The following HS6ST3 variants were observed in gnomAD, a reference collection of about 807,000 sequenced individuals.
HS6ST3 encodes heparan-sulfate 6-O-sulfotransferase 3.
HS6ST3 carries 12 observed loss-of-function variants against 36.7 expected under a neutral mutation model. That is an observed-to-expected ratio of 0.33 (90% CI 0.21 to 0.53). The LOEUF is 0.53. Ranked by LOEUF, HS6ST3 falls within the 20% of genes least tolerant of loss-of-function variation. The pLI, the probability that HS6ST3 is intolerant of heterozygous loss-of-function variation, is 0.95. For synonymous variants in HS6ST3, 240 were observed against 257.5 expected, an observed-to-expected ratio of 0.93 and a Z score of 0.65; for missense variants, 584 against 640.9, an observed-to-expected ratio of 0.91 and a Z score of 0.96.
chr13:96,138,102 T>C (rs1013010155), intron 1 of HS6ST3, among the ~76,000 whole-genome samples: 7 of 152,190 alleles, frequency 4.6e-5, no homozygotes, highest in Admixed American at 4.6e-4. Context: ...TGTGAAAGTT[T>C]AGTGGAGGTT....
At chr13:96,712,146 C>T (rs1875578676) in intron 1 of HS6ST3, among the ~76,000 whole-genome samples, 1 of 152,066 alleles carries the variant, frequency 6.6e-6, no homozygotes, top group African/African-American at 2.4e-5. Flanking sequence ...ATTGAATGAA[C>T]CAGTCCTGAT....
chr13:96,152,152 G>A (rs973143681), intron 1 of HS6ST3, among the ~76,000 whole-genome samples: 1 of 152,172 alleles, frequency 6.6e-6, no homozygotes. Flanking sequence ...AAGATATAAA[G>A]TTACATCGAC....
chr13:96,627,748 G>A (rs541524295), intron 1 of HS6ST3, among the ~76,000 whole-genome samples: 18 of 151,926 alleles, frequency 1.2e-4, no homozygotes, highest in African/African-American at 4.3e-4. Flanking sequence ...TCTTGAGCCA[G>A]TTTTGATGAG....
intron 1 of HS6ST3, among the ~76,000 whole-genome samples, chr13:96,301,292 G>C (rs1022749769): frequency 6.6e-6 from 1 of 152,094 alleles, no homozygotes; most frequent in African/African-American, 2.4e-5. Flanking sequence ...AAACACTTTG[G>C]CAAGAAGAGA....
intron 1 of HS6ST3, among the ~76,000 whole-genome samples, chr13:96,715,984 A>G (rs1052909121): frequency 4.0e-5 from 6 of 151,868 alleles, no homozygotes; most frequent in African/African-American, 1.2e-4. Context: ...TTCCATAATC[A>G]TCGTATAATC....
intron 1 of HS6ST3, among the ~76,000 whole-genome samples, chr13:96,694,461 G>A (rs926309507): frequency 6.6e-6 from 1 of 152,178 alleles, no homozygotes; most frequent in African/African-American, 2.4e-5. Flanking sequence ...TGTAAAGAGT[G>A]CTGAAATGAA....
At chr13:96,617,918 A>G (rs998518151) in intron 1 of HS6ST3, among the ~76,000 whole-genome samples, 2 of 152,204 alleles carry the variant, frequency 1.3e-5, no homozygotes, top group African/African-American at 2.4e-5. Context: ...CAGGGATTAA[A>G]ACAACTAAGA....
At chr13:96,831,574 G>A (rs1056077851) in intron 1 of HS6ST3, among the ~76,000 whole-genome samples, 5 of 152,212 alleles carry the variant, frequency 3.3e-5, no homozygotes, top group African/African-American at 1.2e-4. Context: ...CTAACACATT[G>A]TAGGCACCCA....
chr13:96,356,294 T>C (rs1328933917), intron 1 of HS6ST3, among the ~76,000 whole-genome samples: 1 of 152,204 alleles, frequency 6.6e-6, no homozygotes, highest in East Asian at 1.9e-4. Flanking sequence ...ATGTTCTTAA[T>C]GACATCTAGA....
At chr13:96,423,667 A>G (rs1318072551) in intron 1 of HS6ST3, among the ~76,000 whole-genome samples, 1 of 152,004 alleles carries the variant, frequency 6.6e-6, no homozygotes, top group African/African-American at 2.4e-5. Flanking sequence ...AGAACCAGCC[A>G]GGAGGCCAGT....
intron 1 of HS6ST3, among the ~76,000 whole-genome samples, chr13:96,349,533 A>G (rs377127896): frequency 1.1e-4 from 17 of 152,218 alleles, no homozygotes; most frequent in African/African-American, 4.1e-4. Flanking sequence ...TAATACTTCA[A>G]CCTCATGAAG....
chr13:96,203,886 C>A (rs2054355843), intron 1 of HS6ST3, among the ~76,000 whole-genome samples: 2 of 152,102 alleles, frequency 1.3e-5, no homozygotes, highest in Admixed American at 1.3e-4. Context: ...CCTGTACATC[C>A]CTCTACCCTC....
intron 1 of HS6ST3, among the ~76,000 whole-genome samples, chr13:96,127,607 G>T (rs905326214): frequency 9.2e-5 from 14 of 152,178 alleles, no homozygotes; most frequent in African/African-American, 3.4e-4. Context: ...GGTTGGAGCC[G>T]TCTGTTATCA....
chr13:96,411,497 C>T (rs1043418674), intron 1 of HS6ST3, among the ~76,000 whole-genome samples: 2 of 152,046 alleles, frequency 1.3e-5, no homozygotes, highest in African/African-American at 2.4e-5. Context: ...TAGAGCTAAA[C>T]GAGGTTTTGG....
chr13:96,614,755 T>C (rs1439068710), intron 1 of HS6ST3, among the ~76,000 whole-genome samples: 1 of 151,900 alleles, frequency 6.6e-6, no homozygotes, highest in Non-Finnish European at 1.5e-5. Context: ...ATATTTTCTT[T>C]TAATTATGAA....
chr13:96,495,898 C>T (rs2033997696), intron 1 of HS6ST3, among the ~76,000 whole-genome samples: 1 of 152,222 alleles, frequency 6.6e-6, no homozygotes, highest in Admixed American at 6.5e-5. Flanking sequence ...CGCAGTAGTT[C>T]CTTTCCCTCT....
chr13:96,110,959 T>G (rs2053865659), intron 1 of HS6ST3, among the ~76,000 whole-genome samples: 1 of 152,198 alleles, frequency 6.6e-6, no homozygotes, highest in African/African-American at 2.4e-5. Flanking sequence ...TTCCCCCATT[T>G]GTGTCCTGAT....
At chr13:96,483,614 T>A (rs189115461) in intron 1 of HS6ST3, among the ~76,000 whole-genome samples, 6 of 152,334 alleles carry the variant, frequency 3.9e-5, no homozygotes, top group Admixed American at 2.6e-4. Flanking sequence ...AAATTTGAAG[T>A]ATGGAATCTG....
intron 1 of HS6ST3, among the ~76,000 whole-genome samples, chr13:96,553,410 G>A (rs1386929882): frequency 6.6e-6 from 1 of 152,198 alleles, no homozygotes; most frequent in Non-Finnish European, 1.5e-5. Context: ...GCTGGGTGGT[G>A]GATGGGATAT....
Sources: allele counts gnomAD v4.1 joint callset (sites outside exome capture counted in the v4.1 genomes callset), GRCh38; gene constraint gnomAD v4.1.1; transcripts MANE v1.5; gene names NCBI Gene and HGNC (gene_info 2026-07-23, HGNC 2026-07-21).